Variants in SAXO1 observed in about 807,000 individuals in gnomAD.
SAXO1 encodes the protein stabilizer of axonemal microtubules 1.
In SAXO1, 21 loss-of-function variants were observed where a neutral mutation model predicts 17.5. The ratio of observed to expected loss-of-function variants is 1.20; its 90% CI spans 0.85 to 1.72. SAXO1 has a LOEUF of 1.72. Among genes scored for constraint, SAXO1 ranks in the 40% most tolerant of loss-of-function variants. The pLI is 0.00. For synonymous variants in SAXO1, 274 were observed against 216.5 expected, an observed-to-expected ratio of 1.27 and a Z score of -2.33; for missense variants, 843 against 596.0, an observed-to-expected ratio of 1.41 and a Z score of -4.32.
At chr9:18,929,959 C>A (rs183863047) in intron 3 of SAXO1, among the ~76,000 whole-genome samples, 6 of 152,328 alleles carry the variant, frequency 3.9e-5, no homozygotes, top group South Asian at 2.1e-4. Context: ...TTCACAATAA[C>A]CCTTTGTGAT....
chr9:18,944,495 G>C (rs982555689), intron 2 of SAXO1, among the ~76,000 whole-genome samples: 16 of 152,274 alleles, frequency 1.1e-4, no homozygotes, highest in African/African-American at 3.8e-4. Context: ...TTCTTTTTAA[G>C]AACACTGGAT....
chr9:19,027,189 C>A, intron 1 of SAXO1: 1 of 1,192,866 alleles, frequency 8.4e-7, no homozygotes, highest in South Asian at 1.2e-5. Flanking sequence ...CCTGGACTCC[C>A]AGAGGAAGGA....
intron 2 of SAXO1, among the ~76,000 whole-genome samples, chr9:18,942,988 T>C (rs1201844913): frequency 6.6e-6 from 1 of 152,240 alleles, no homozygotes; most frequent in African/African-American, 2.4e-5. Flanking sequence ...CAGGAAAACG[T>C]TAGGCCCAAA....
At chr9:19,035,239 G>C (rs1835906183), upstream of SAXO1, among the ~76,000 whole-genome samples, 1 of 152,142 alleles carries the variant, frequency 6.6e-6, no homozygotes, top group Non-Finnish European at 1.5e-5. Context: ...GGGACCCAGT[G>C]GGAGATAATT....
At chr9:19,048,254 C>A (rs1019051391) in intron 1 of SAXO1, among the ~76,000 whole-genome samples, 2 of 152,160 alleles carry the variant, frequency 1.3e-5, no homozygotes, top group African/African-American at 4.8e-5. Context: ...GGCTTGAGTT[C>A]CAGACCAGCC....
chr9:19,046,945 G>C (rs567252252), intron 1 of SAXO1, among the ~76,000 whole-genome samples: 5 of 152,212 alleles, frequency 3.3e-5, no homozygotes, highest in Non-Finnish European at 5.9e-5. Flanking sequence ...CCAGCACTTT[G>C]GGAAGCTGAG....
intron 3 of SAXO1, among the ~76,000 whole-genome samples, chr9:18,933,547 G>A (rs1013355885): frequency 1.3e-5 from 2 of 152,030 alleles, no homozygotes; most frequent in Non-Finnish European, 2.9e-5. Context: ...TTAGCCTGAA[G>A]GATTTCCTTT....
chr9:19,031,754 C>G (rs190017834), intron 1 of SAXO1, among the ~76,000 whole-genome samples: 31 of 152,264 alleles, frequency 2.0e-4, no homozygotes, highest in African/African-American at 5.1e-4. Flanking sequence ...AGGGCCCACT[C>G]TGAGAGTATC....
At chr9:18,948,098 G>C (rs867520649) in intron 2 of SAXO1, among the ~76,000 whole-genome samples, 1 of 152,182 alleles carries the variant, frequency 6.6e-6, no homozygotes, top group Admixed American at 6.5e-5. Flanking sequence ...ACAGACACAA[G>C]GGTGTGCAGA....
At chr9:18,991,768 T>A (rs2131843487) in intron 1 of SAXO1, among the ~76,000 whole-genome samples, 1 of 152,202 alleles carries the variant, frequency 6.6e-6, no homozygotes, top group Non-Finnish European at 1.5e-5. Flanking sequence ...ACTTGAATCA[T>A]CCCCAAACCA....
intron 3 of SAXO1, among the ~76,000 whole-genome samples, chr9:18,929,450 T>C (rs975247099): frequency 6.6e-6 from 1 of 152,206 alleles, no homozygotes; most frequent in Non-Finnish European, 1.5e-5. Flanking sequence ...ATGCATGTGA[T>C]GTAGTGAGAT....
intron 3 of SAXO1, among the ~76,000 whole-genome samples, chr9:18,938,950 C>A (rs576712168): frequency 8.4e-4 from 128 of 151,930 alleles, no homozygotes; most frequent in African/African-American, 2.9e-3. Context: ...TCCTTGCCAA[C>A]CCCCAAGACA....
At chr9:19,014,999 G>T (rs1227590099) in intron 1 of SAXO1, among the ~76,000 whole-genome samples, 2 of 152,160 alleles carry the variant, frequency 1.3e-5, no homozygotes, top group East Asian at 3.8e-4. Context: ...TGAGAAAGAT[G>T]TAAGGCAAAT....
intron 1 of SAXO1, among the ~76,000 whole-genome samples, chr9:19,014,448 G>T (rs1296684268): frequency 1.7e-5 from 2 of 117,876 alleles, no homozygotes; most frequent in Non-Finnish European, 3.4e-5. Flanking sequence ...GCAACAGAGC[G>T]AAACTGTGTC....
At chr9:19,009,846 A>C (rs1284806126) in intron 1 of SAXO1, among the ~76,000 whole-genome samples, 1 of 119,120 alleles carries the variant, frequency 8.4e-6, no homozygotes, top group African/African-American at 3.4e-5. Flanking sequence ...TTTTTTTTTG[A>C]GACAAGGTCT....
At chr9:18,975,412 T>C (rs1386760527) in intron 1 of SAXO1, among the ~76,000 whole-genome samples, 2 of 152,168 alleles carry the variant, frequency 1.3e-5, no homozygotes, top group African/African-American at 4.8e-5. Flanking sequence ...ACATGTCTAA[T>C]CACAGCACTT....
intron 1 of SAXO1, among the ~76,000 whole-genome samples, chr9:19,047,412 A>T (rs1186186851): frequency 6.6e-6 from 1 of 152,196 alleles, no homozygotes; most frequent in Non-Finnish European, 1.5e-5. Flanking sequence ...AAAATGTGAT[A>T]TCCAGACCTT....
chr9:18,928,027 A>AT lies in SAXO1; in HGVS notation c.*24dup. 6.5e-7 allele frequency: 1 copy of AT among 1,532,416 alleles called. No individual in the cohort carries two copies. Among genetic ancestry groups the AT allele is most frequent in the Non-Finnish European group, 8.8e-7 (1 of 1,137,030 alleles). 94.9% of individuals were successfully genotyped at this position (1,532,416 alleles called of 1,614,324 possible). ...TGTCTGCTTTTAAAAGTACTGTGTA[A>AT]TTTCTAAATTACTATTTTTCAAAAT... On this transcript the variant is annotated 3_prime_UTR_variant, in exon 4 of 4. Coordinates refer to ENST00000380534, the MANE Select transcript of SAXO1 (RefSeq NM_153707.4).
intron 1 of SAXO1, among the ~76,000 whole-genome samples, chr9:18,970,426 T>C (rs1429450805): frequency 6.6e-6 from 1 of 152,258 alleles, no homozygotes; most frequent in East Asian, 1.9e-4. Flanking sequence ...CACCCTCAAC[T>C]GTTACCTTTG....
Sources: gnomAD v4.1 joint callset for allele counts (sites outside exome capture counted in the v4.1 genomes callset) on GRCh38, gnomAD v4.1.1 for gene constraint, MANE v1.5 for transcripts, NCBI Gene and HGNC (gene_info 2026-07-23, HGNC 2026-07-21) for gene names.